Variants in TBC1D22A observed in about 807,000 individuals in gnomAD.
The protein encoded by TBC1D22A is putative GTPase activator.
A neutral mutation model predicts 60.2 loss-of-function variants in TBC1D22A; 38 were observed. The ratio of observed to expected loss-of-function variants is 0.63; its 90% CI spans 0.49 to 0.83. TBC1D22A has a LOEUF of 0.83. TBC1D22A is among the 40% of genes least tolerant of loss of function. TBC1D22A has a pLI of 0.00. For synonymous variants in TBC1D22A, 302 were observed against 281.7 expected, an observed-to-expected ratio of 1.07 and a Z score of -0.72; for missense variants, 628 against 701.0, an observed-to-expected ratio of 0.90 and a Z score of 1.18.
intron 1 of TBC1D22A, among the ~76,000 whole-genome samples, chr22:46,784,519 T>C (rs2084077080): frequency 6.6e-6 from 1 of 152,222 alleles, no homozygotes; most frequent in South Asian, 2.1e-4. Context: ...TAAAATGGGG[T>C]TCCTTTAGTC....
At chr22:47,107,867 A>G (rs2065694175) in intron 11 of TBC1D22A, among the ~76,000 whole-genome samples, 2 of 152,258 alleles carry the variant, frequency 1.3e-5, no homozygotes, top group Non-Finnish European at 2.9e-5. Context: ...TTTTTACCAT[A>G]TACAAAAATT....
chr22:46,775,583 G>A (rs2083670336), intron 1 of TBC1D22A, among the ~76,000 whole-genome samples: 1 of 152,196 alleles, frequency 6.6e-6, no homozygotes, highest in Non-Finnish European at 1.5e-5. Flanking sequence ...CCTCCTGGAA[G>A]GGCTGGTAGA....
At chr22:46,993,256 A>G (rs1260295536) in intron 9 of TBC1D22A, among the ~76,000 whole-genome samples, 1 of 152,224 alleles carries the variant, frequency 6.6e-6, no homozygotes. Context: ...GTGATGTTGT[A>G]ATGGCAACAG....
chr22:47,101,136 G>C lies in TBC1D22A; in HGVS notation c.1330-10372G>C, dbSNP rs1015073349. 2.0e-5 allele frequency among the ~76,000 whole-genome samples: 3 copies of C among 152,176 alleles called. No homozygotes were observed. In the East Asian group the frequency reaches 5.8e-4, roughly 29 times the overall value. On this transcript the variant is annotated intron_variant, in intron 11 of 12. Transcript: ENST00000337137. ...GTTTCTTTCATTAGCGATTAAGAGA[G>C]GGGAATATTGAAGTGATCTGAAATA...
chr22:47,006,493 C>G (rs561149457), intron 10 of TBC1D22A, among the ~76,000 whole-genome samples: 1 of 152,134 alleles, frequency 6.6e-6, no homozygotes, highest in Non-Finnish European at 1.5e-5. Context: ...GCGGTGACCC[C>G]GGGTGGTGAG....
intron 11 of TBC1D22A, among the ~76,000 whole-genome samples, chr22:47,105,639 G>A (rs1399406670): frequency 6.6e-6 from 1 of 152,196 alleles, no homozygotes; most frequent in East Asian, 1.9e-4. Flanking sequence ...TGGATTGGGG[G>A]AGCCCCCGTT....
At chr22:47,111,043 C>T (rs777473739) in intron 11 of TBC1D22A, among the ~76,000 whole-genome samples, 11 of 152,204 alleles carry the variant, frequency 7.2e-5, no homozygotes, top group Non-Finnish European at 1.3e-4. Flanking sequence ...CCAGGGAGAC[C>T]CGGACCGGGT....
At chr22:46,807,876 A>G (rs2085216362) in intron 4 of TBC1D22A, among the ~76,000 whole-genome samples, 1 of 152,192 alleles carries the variant, frequency 6.6e-6, no homozygotes, top group Non-Finnish European at 1.5e-5. Context: ...CCTAGGTGGG[A>G]GGATTGCTCG....
intron 10 of TBC1D22A, among the ~76,000 whole-genome samples, chr22:47,025,810 A>T (rs1267782154): frequency 6.6e-6 from 1 of 152,196 alleles, no homozygotes; most frequent in Non-Finnish European, 1.5e-5. Context: ...ATCATATAGT[A>T]CTGAGTGTGT....
intron 9 of TBC1D22A, among the ~76,000 whole-genome samples, chr22:46,995,013 G>A (rs552985593): frequency 6.6e-6 from 1 of 152,300 alleles, no homozygotes; most frequent in South Asian, 2.1e-4. Flanking sequence ...CCTCTCAGCC[G>A]GACAGGTGCC....
Position 46,797,586 on chromosome 22 carries a change from C to G in TBC1D22A, c.603C>G (p.Phe201Leu), listed in dbSNP as rs1305325537. ...GAGAGGCCTCCCGGCTCGACAAGTT[C>G]AAGCAGCTGCTTGCCGGCCCCAACA... ...SEREASRLDK[F>L]KQLLAGPNTD... Residue 201 changes from phenylalanine (F) to leucine (L), a missense_variant, in exon 4 of 13, where the codon TTC (phenylalanine) becomes TTG (leucine). Transcript: ENST00000337137. 6.2e-7 allele frequency: 1 copy of G among 1,610,948 alleles called. No individual in the cohort carries two copies. Among genetic ancestry groups the G allele is most frequent in the Non-Finnish European group, 8.5e-7 (1 of 1,177,644 alleles).
At chr22:47,048,365 G>A (rs1242518801) in intron 11 of TBC1D22A, among the ~76,000 whole-genome samples, 2 of 152,120 alleles carry the variant, frequency 1.3e-5, no homozygotes, top group Non-Finnish European at 2.9e-5. Context: ...GGAGGTGGAG[G>A]ACGCGTCACC....
At position 46,937,016 on chromosome 22, in the gene TBC1D22A, A is replaced by T. The variant is rs539800777; in HGVS notation, c.1015+24828A>T. Among the ~76,000 whole-genome samples the T allele has an allele frequency of 2.0e-5, 3 of 152,248 alleles. No individual in the cohort carries two copies. The East Asian group carries it at 5.8e-4, about 29-fold the overall frequency. Reference sequence around the variant, plus strand: ...TTTTTTGTGGGGGGCAGTGACAGATAGGGTTCTTCTGTGGTCTCCTGAGGA... The same window carrying T: ...TTTTTTGTGGGGGGCAGTGACAGATTGGGTTCTTCTGTGGTCTCCTGAGGA... On this transcript the variant is annotated intron_variant, in intron 8 of 12. Transcript: ENST00000337137.
intron 4 of TBC1D22A, among the ~76,000 whole-genome samples, chr22:46,861,422 T>C (rs933243720): frequency 2.0e-5 from 3 of 152,250 alleles, no homozygotes; most frequent in Admixed American, 6.5e-5. Context: ...CTGTGTGTTT[T>C]ACCAGTGGCT....
intron 5 of TBC1D22A, among the ~76,000 whole-genome samples, chr22:46,879,865 C>CT (rs1180242647): frequency 6.4e-5 from 2 of 31,128 alleles, no homozygotes; most frequent in Non-Finnish European, 4.0e-4. Flanking sequence ...TTCTCAGCCT[C>CT]TGCGGGTTGT....
At chr22:46,771,140 T>A (rs928599075) in intron 1 of TBC1D22A, among the ~76,000 whole-genome samples, 1 of 152,204 alleles carries the variant, frequency 6.6e-6, no homozygotes, top group African/African-American at 2.4e-5. Flanking sequence ...GGACTCTGGG[T>A]TAATTTTAAA....
chr22:46,876,839 C>T (rs1045331041), intron 4 of TBC1D22A, among the ~76,000 whole-genome samples: 2 of 152,210 alleles, frequency 1.3e-5, no homozygotes, highest in African/African-American at 4.8e-5. Flanking sequence ...GGTTACTTTG[C>T]ACAGCTGGGA....
chr22:46,865,050 C>T (rs915146945), intron 4 of TBC1D22A, among the ~76,000 whole-genome samples: 2 of 152,212 alleles, frequency 1.3e-5, no homozygotes, highest in South Asian at 2.1e-4. Flanking sequence ...ACCGAACCCA[C>T]ACCAGGTCAT....
chr22:46,982,314 C>G (rs898621932), intron 9 of TBC1D22A, among the ~76,000 whole-genome samples: 1 of 151,622 alleles, frequency 6.6e-6, no homozygotes, highest in African/African-American at 2.4e-5. Flanking sequence ...ACCTCTGCCT[C>G]CCGGGTTCAA....
Sources: allele counts gnomAD v4.1 joint callset (sites outside exome capture counted in the v4.1 genomes callset), GRCh38; gene constraint gnomAD v4.1.1; transcripts MANE v1.5; gene names NCBI Gene and HGNC (gene_info 2026-07-23, HGNC 2026-07-21).